Variants in CSNK1G1 observed in about 807,000 individuals in gnomAD.
CSNK1G1 encodes casein kinase 1 gamma 1, also known as casein kinase I isoform gamma-1.
A neutral mutation model predicts 59.6 loss-of-function variants in CSNK1G1; 22 were observed. The ratio of observed to expected loss-of-function variants is 0.37; its 90% CI spans 0.26 to 0.53. CSNK1G1 has a LOEUF of 0.53. Among genes scored for constraint, CSNK1G1 ranks in the 20% least tolerant of loss-of-function variants. The probability of loss-of-function intolerance (pLI) is 0.89; values close to 1 mark genes in which losing one functional copy is unlikely to be tolerated. For missense variants in CSNK1G1, 384 were observed against 519.5 expected (o/e 0.74, Z 2.54); for synonymous variants, 179 against 177.1 (o/e 1.01, Z -0.08).
At chr15:64,297,422 C>T (rs1022702159) in intron 2 of CSNK1G1, among the ~76,000 whole-genome samples, 6 of 152,066 alleles carry the variant, frequency 3.9e-5, no homozygotes, top group South Asian at 2.1e-4. Context: ...GAAATGCACA[C>T]GGTTGGTCAG....
intron 1 of CSNK1G1, among the ~76,000 whole-genome samples, chr15:64,344,556 A>T (rs1379829417): frequency 6.6e-6 from 1 of 152,200 alleles, no homozygotes; most frequent in Non-Finnish European, 1.5e-5. Context: ...TTGCTCATAG[A>T]AATCCAGTGA....
At chr15:64,249,414 C>A (rs542357957) in intron 4 of CSNK1G1, among the ~76,000 whole-genome samples, 15 of 152,154 alleles carry the variant, frequency 9.9e-5, no homozygotes, top group Non-Finnish European at 2.2e-4. Flanking sequence ...ATGATGCCCA[C>A]CGCAGCTATT....
rs891423265 is a variant in CSNK1G1 at position 64,170,843 on chromosome 15, C to A, written c.*1088G>T. The A allele has an allele frequency of 1.3e-5, 2 of 152,572 alleles. No homozygotes were observed. 9.5% of individuals were successfully genotyped at this position (152,572 alleles called of 1,614,324 possible). A position where few individuals can be genotyped will look rare whatever the true frequency, so the allele number is the denominator to read the frequency against. ...TCACAGTCTGGCTCGGCTGGCTCAT[C>A]TCATGTTCTGGAGAGCTAGGTTTTC... On this transcript the variant is annotated 3_prime_UTR_variant, in exon 12 of 12. Transcript: ENST00000303052.
At chr15:64,221,749 T>C (rs554817605) in intron 4 of CSNK1G1, among the ~76,000 whole-genome samples, 105 of 152,038 alleles carry the variant, frequency 6.9e-4, no homozygotes, top group African/African-American at 2.5e-3. Context: ...CCAGTCAGAA[T>C]GGTGATTATT....
intron 1 of CSNK1G1, 87 bp downstream of exon 1, chr15:64,355,901 G>T (rs1328350142): frequency 9.0e-6 from 1 of 111,210 alleles, no homozygotes; most frequent in African/African-American, 3.5e-5. Context: ...CCCACGCCCA[G>T]GAAAGGGCCC....
chr15:64,225,255 T>C (rs537068377), intron 4 of CSNK1G1, among the ~76,000 whole-genome samples: 2 of 152,094 alleles, frequency 1.3e-5, no homozygotes, highest in East Asian at 3.9e-4. Flanking sequence ...GTGGTCCACC[T>C]GCCTCTGAGG....
intron 10 of CSNK1G1, among the ~76,000 whole-genome samples, chr15:64,193,394 G>A (rs886172555): frequency 6.6e-6 from 1 of 151,328 alleles, no homozygotes; most frequent in African/African-American, 2.4e-5. Context: ...TCGGGAGGCT[G>A]AGGCAGGAGA....
chr15:64,319,917 C>CTTTTTTT (rs148166902), intron 1 of CSNK1G1, among the ~76,000 whole-genome samples: 6 of 65,932 alleles, frequency 9.1e-5, no homozygotes, highest in East Asian at 5.4e-4. Flanking sequence ...TAGATCAGGG[C>CTTTTTTT]TTTTTTTTTT....
At chr15:64,320,593 C>T (rs758522782) in intron 1 of CSNK1G1, among the ~76,000 whole-genome samples, 12 of 149,818 alleles carry the variant, frequency 8.0e-5, no homozygotes, top group Non-Finnish European at 1.5e-4. Flanking sequence ...GCGGGAGAAT[C>T]GCTTGAGCCC....
Position 64,171,802 on chromosome 15 carries a change from G to T in CSNK1G1, c.*129C>A. The T allele has an allele frequency of 1.2e-6, 1 of 845,074 alleles. No individual in the cohort carries two copies. 52.3% of individuals were successfully genotyped at this position (845,074 alleles called of 1,614,324 possible). On this transcript the variant is annotated 3_prime_UTR_variant, in exon 12 of 12. Transcript: ENST00000303052. This position sits in a 1 kb window ranked among gnomAD's most constrained non-coding sequence, Gnocchi z 4.8. ...GCACTGGCCCCTTCTGGGGGCATCTGTTTTCTTCTTTTTGGTTTGGATATC... is the reference window on the plus strand; with the variant it reads ...GCACTGGCCCCTTCTGGGGGCATCTTTTTTCTTCTTTTTGGTTTGGATATC...
chr15:64,307,488 T>TG (rs531201141), intron 1 of CSNK1G1, among the ~76,000 whole-genome samples: 54 of 152,058 alleles, frequency 3.6e-4, no homozygotes, highest in African/African-American at 1.3e-3. Context: ...CTGAGGCAGG[T>TG]GGATCACTTG....
Position 64,312,406 on chromosome 15 carries a change from T to G in CSNK1G1, c.-224-11683A>C, listed in dbSNP as rs145883956. Among the ~76,000 whole-genome samples the G allele has an allele frequency of 4.6e-3, 700 of 152,140 alleles. 4 individuals are homozygous for G. The highest frequency in any genetic ancestry group is 0.016 in the African/African-American group (676 of 41,496). ...AGCATGGTACTGGGACCAAAACAGATATATAGACCAATGGAACAGAACAGT... is the reference window on the plus strand; with the variant it reads ...AGCATGGTACTGGGACCAAAACAGAGATATAGACCAATGGAACAGAACAGT... On this transcript the variant is annotated intron_variant, in intron 1 of 11. Transcript: ENST00000303052.
chr15:64,277,681 A>T (rs942600460), intron 2 of CSNK1G1, among the ~76,000 whole-genome samples: 1 of 134,464 alleles, frequency 7.4e-6, no homozygotes, highest in Non-Finnish European at 1.5e-5. Flanking sequence ...TTAATAATAT[A>T]GCAATATTGA....
rs2081748377 is a variant in CSNK1G1 at position 64,176,928 on chromosome 15, A to C, written c.1214+3420T>G. ...CTAAATTCTACTCTTGTTAATGCTC[A>C]GGAGAAATGAGGTTCACATTTGTTA... On this transcript the variant is annotated intron_variant, in intron 11 of 11. Coordinates refer to ENST00000303052, the MANE Select transcript of CSNK1G1 (RefSeq NM_022048.5). The surrounding 1 kb of genome is among the most constrained non-coding windows in gnomAD (Gnocchi z 5.2). Among the ~76,000 whole-genome samples, 1 of 152,246 alleles carries C rather than the reference A, an allele frequency of 6.6e-6. No homozygotes were observed. Among genetic ancestry groups the C allele is most frequent in the African/African-American group, 2.4e-5 (1 of 41,466 alleles).
At position 64,278,543 on chromosome 15, in the gene CSNK1G1, C is replaced by T. The variant is rs928403345; in HGVS notation, c.182-19302G>A. On this transcript the variant is annotated intron_variant, in intron 2 of 11. Transcript: ENST00000303052. ...TCCCGGGTTCAAGCGATTCGCCTGCCTTAGCCTTCCAAGTAGTCAGGACTA... is the reference window on the plus strand; with the variant it reads ...TCCCGGGTTCAAGCGATTCGCCTGCTTTAGCCTTCCAAGTAGTCAGGACTA... Among the ~76,000 whole-genome samples, 3 of 151,970 alleles carry T rather than the reference C, an allele frequency of 2.0e-5. No individual in the cohort carries two copies. In the South Asian group the frequency reaches 6.2e-4, roughly 32 times the overall value.
chr15:64,334,616 C>A (rs968088033), intron 1 of CSNK1G1, among the ~76,000 whole-genome samples: 6 of 152,158 alleles, frequency 3.9e-5, no homozygotes, highest in Admixed American at 1.3e-4. Flanking sequence ...GCATTAGATT[C>A]TCATAAGGAG....
chr15:64,178,550 C>T (rs1018079474), intron 11 of CSNK1G1, among the ~76,000 whole-genome samples: 15 of 148,340 alleles, frequency 1.0e-4, no homozygotes, highest in African/African-American at 1.8e-4. Context: ...GGCACAATCT[C>T]GACTCACCAC....
At chr15:64,308,910 A>T (rs1238377022) in intron 1 of CSNK1G1, among the ~76,000 whole-genome samples, 2 of 140,660 alleles carry the variant, frequency 1.4e-5, no homozygotes, top group Admixed American at 1.4e-4. Context: ...AAAAAAAAAA[A>T]TCCTTACATG....
At chr15:64,325,766 T>A (rs1005401940) in intron 1 of CSNK1G1, among the ~76,000 whole-genome samples, 1 of 152,092 alleles carries the variant, frequency 6.6e-6, no homozygotes, top group Non-Finnish European at 1.5e-5. Context: ...ATGAAAGAGG[T>A]ATGATTATTA....
Sources: gnomAD v4.1 joint callset for allele counts (sites outside exome capture counted in the v4.1 genomes callset) on GRCh38, gnomAD v4.1.1 for gene constraint, Gnocchi (gnomAD v3.1) non-coding constraint, MANE v1.5 for transcripts, NCBI Gene and HGNC (gene_info 2026-07-23, HGNC 2026-07-21) for gene names.